Variants in MARK4 observed in about 807,000 individuals in gnomAD.
The protein encoded by MARK4 is microtubule affinity regulating kinase 4.
A neutral mutation model predicts 81.5 loss-of-function variants in MARK4; 19 were observed. The ratio of observed to expected loss-of-function variants is 0.23; its 90% CI spans 0.16 to 0.34. The LOEUF (loss-of-function observed/expected upper bound fraction) is 0.34, where lower values mean the gene tolerates loss of function less well. Among genes scored for constraint, MARK4 ranks in the 10% least tolerant of loss-of-function variants. MARK4 has a pLI of 1.00. For missense variants in MARK4, 772 were observed against 1,058.8 expected, an observed-to-expected ratio of 0.73 and a Z score of 3.76; for synonymous variants, 436 against 439.0, an observed-to-expected ratio of 0.99 and a Z score of 0.08.
At chr19:45,284,686 C>T (rs1054888024) in intron 12 of MARK4, among the ~76,000 whole-genome samples, 2 of 152,168 alleles carry the variant, frequency 1.3e-5, no homozygotes, top group African/African-American at 4.8e-5. Context: ...AGTGCAGTGG[C>T]TTACGCCTGT....
intron 10 of MARK4, chr19:45,280,032 G>A (rs1157709633): frequency 3.4e-6 from 1 of 295,182 alleles, no homozygotes; most frequent in Non-Finnish European, 6.6e-6. Context: ...TCAAAGAGCA[G>A]ACACCAGTGA....
At chr19:45,293,597 C>T (rs1970846369) in intron 13 of MARK4, among the ~76,000 whole-genome samples, 2 of 152,236 alleles carry the variant, frequency 1.3e-5, no homozygotes, top group Admixed American at 1.3e-4. Context: ...ATGACTCCCA[C>T]CAGTGGAATT....
chr19:45,265,218 G>A (rs572461670), intron 6 of MARK4, among the ~76,000 whole-genome samples: 1,654 of 152,190 alleles, frequency 0.011, 29 homozygotes, highest in African/African-American at 0.037. Flanking sequence ...GGTGATGGGG[G>A]CACGAAGGTG....
intron 12 of MARK4, among the ~76,000 whole-genome samples, chr19:45,283,972 A>G (rs554452971): frequency 2.0e-5 from 3 of 151,704 alleles, no homozygotes; most frequent in Non-Finnish European, 4.4e-5. Flanking sequence ...TCTGTCTTAC[A>G]TATCTCACCT....
chr19:45,293,368 G>A (rs1294903390), intron 13 of MARK4, among the ~76,000 whole-genome samples: 3 of 152,128 alleles, frequency 2.0e-5, no homozygotes, highest in African/African-American at 7.2e-5. Flanking sequence ...ATGAAAAGGG[G>A]AACTTTGTTC....
At chr19:45,253,585 C>T (rs928423471) in intron 1 of MARK4, among the ~76,000 whole-genome samples, 2 of 152,186 alleles carry the variant, frequency 1.3e-5, no homozygotes, top group Non-Finnish European at 2.9e-5. Flanking sequence ...AGTCAGACAG[C>T]CCGTGGATTC....
At chr19:45,298,180 C>T in intron 15 of MARK4, 2 of 1,614,074 alleles carry the variant, frequency 1.2e-6, no homozygotes, top group Non-Finnish European at 1.7e-6. Context: ...GAACTCTAAC[C>T]GCTGTGTTTC....
At chr19:45,270,372 C>CT (rs562932804) in intron 7 of MARK4, among the ~76,000 whole-genome samples, 332 of 152,232 alleles carry the variant, frequency 2.2e-3, no homozygotes, top group African/African-American at 7.9e-3. Flanking sequence ...CAGACAGACA[C>CT]TGTTATAATT....
rs1568506124 is a variant in MARK4, at chr19:45,302,549, C to T, written c.2098C>T (p.His700Tyr). Residue 700 changes from histidine to tyrosine, a missense_variant, in exon 17 of 17, where the codon CAC (histidine) becomes TAC (tyrosine). Physicochemically the swap from His to Tyr is moderately conservative, Grantham distance 83. This residue lies in a region of MARK4 where 548 missense variants were observed against 624.3 expected (regional missense o/e 0.88). Transcript: ENST00000262891. The surrounding 1 kb of genome is among the most constrained non-coding windows in gnomAD (Gnocchi z 4.9). ...QPQPFLLACL[H>Y]GGAGGPEPLS... The stretch of plus-strand genomic sequence containing the variant: ...ACAGCCGTTCCTGCTGGCCTGCCTG[C>T]ACGGGGGTGCGGGCGGGCCCGAGCC... 1 of 1,594,326 alleles carries T rather than the reference C, an allele frequency of 6.3e-7. No homozygotes were observed.
chr19:45,270,648 G>A (rs1970514844), intron 7 of MARK4, among the ~76,000 whole-genome samples: 1 of 152,130 alleles, frequency 6.6e-6, no homozygotes. Context: ...TGCTCAGGCT[G>A]GAGTGCAGTG....
chr19:45,260,363 T>C (rs2123032185), intron 2 of MARK4, among the ~76,000 whole-genome samples: 2 of 138,010 alleles, frequency 1.4e-5, no homozygotes, highest in South Asian at 4.6e-4. Flanking sequence ...GTATTCCGCC[T>C]GGGCAACAAG....
Position 45,277,958 on chromosome 19 carries a change from G to T in MARK4, c.822G>T (p.Arg274=). 6.2e-7 allele frequency: 1 copy of T among 1,613,530 alleles called. No individual in the cohort carries two copies. Among genetic ancestry groups the T allele is most frequent in the Non-Finnish European group, 8.5e-7 (1 of 1,179,884 alleles). The change falls in exon 9 of 17, where the codon CGG becomes CGT. Residue 274 remains arginine (R), a synonymous_variant. Coordinates refer to ENST00000262891, the MANE Select transcript of MARK4 (RefSeq NM_001199867.2). ...LRERVLRGKY[R]VPFYMSTDCE... ...AGCGAGTACTCAGAGGGAAGTACCG[G>T]GTCCCTTTCTACATGTCAACAGACT...
At chr19:45,259,246 G>C in intron 2 of MARK4, 57 bp downstream of exon 2, 1 of 1,584,254 alleles carries the variant, frequency 6.3e-7, no homozygotes. Context: ...CAGGTCTTCG[G>C]TGTATGTTGA....
intron 2 of MARK4, among the ~76,000 whole-genome samples, chr19:45,259,695 A>G (rs1440568648): frequency 6.6e-6 from 1 of 152,124 alleles, no homozygotes; most frequent in Non-Finnish European, 1.5e-5. Context: ...GGATCGCTTG[A>G]GCTCAGGAGT....
At chr19:45,259,323 A>G (rs965513319) in intron 2 of MARK4, 134 bp downstream of exon 2, 29 of 902,098 alleles carry the variant, frequency 3.2e-5, no homozygotes, top group African/African-American at 1.2e-4. Context: ...TCTATGGGAC[A>G]GGTCACAATA....
chr19:45,278,678 A>G (rs1970633753), intron 10 of MARK4, 63 bp downstream of exon 10: 2 of 1,236,822 alleles, frequency 1.6e-6, no homozygotes, highest in Non-Finnish European at 2.4e-6. Flanking sequence ...ATCTCGGCTC[A>G]CTGCAACCTC....
intron 2 of MARK4, among the ~76,000 whole-genome samples, chr19:45,259,893 C>G (rs576064513): frequency 6.4e-4 from 97 of 152,114 alleles, no homozygotes; most frequent in Non-Finnish European, 1.2e-3. Flanking sequence ...TCGAGACCAG[C>G]CTGACCAACA....
At position 45,303,303 on chromosome 19, in the gene MARK4, C is replaced by A; in HGVS notation, c.*593C>A. 6.5e-6 allele frequency: 1 copy of A among 153,946 alleles called. No individual in the cohort carries two copies. The highest frequency in any genetic ancestry group is 6.4e-5 in the Admixed American group (1 of 15,530). The allele number at this position is 153,946 out of a possible 1,614,324, so 9.5% of individuals were successfully genotyped here. ...GTTTTTAAGTTATTACACCCCGACC[C>A]TCCTCCTGTCAGCCCCCTCACCTGC... On this transcript the variant is annotated 3_prime_UTR_variant, in exon 17 of 17. Coordinates refer to ENST00000262891, the MANE Select transcript of MARK4 (RefSeq NM_001199867.2).
At chr19:45,254,458 G>A (rs978910303) in intron 1 of MARK4, among the ~76,000 whole-genome samples, 1 of 152,196 alleles carries the variant, frequency 6.6e-6, no homozygotes, top group Admixed American at 6.5e-5. Flanking sequence ...CTGCCTCCCT[G>A]GTCTCTCCTG....
Sources: gnomAD v4.1 joint callset for allele counts (sites outside exome capture counted in the v4.1 genomes callset) on GRCh38, gnomAD v4.1.1 for gene constraint, gnomAD v4.1.1 regional missense constraint, Gnocchi (gnomAD v3.1) non-coding constraint, MANE v1.5 for transcripts, NCBI Gene and HGNC (gene_info 2026-07-23, HGNC 2026-07-21) for gene names.